DVL1: variants seen among roughly 807,000 people sequenced by gnomAD.
The protein encoded by DVL1 is segment polarity protein dishevelled homolog DVL-1.
In DVL1, 49 loss-of-function variants were observed where a neutral mutation model predicts 65.0. That is an observed-to-expected ratio of 0.75 (90% CI 0.60 to 0.96). The LOEUF is 0.96. DVL1 is among the 40% of genes least tolerant of loss of function. DVL1 has a pLI of 0.00. For synonymous variants in DVL1, 608 were observed against 433.9 expected (o/e 1.40, Z -4.99); for missense variants, 1,197 against 1,045.4 (o/e 1.15, Z -2.00).
chr1:1,340,167 G>C lies in DVL1; in HGVS notation c.780C>G (p.His260Gln). 6.2e-7 allele frequency: 1 copy of C among 1,613,754 alleles called. No homozygotes were observed. Among genetic ancestry groups the C allele is most frequent in the Non-Finnish European group, 8.5e-7 (1 of 1,179,978 alleles). The change falls in exon 8 of 15, where the codon CAC becomes CAG. Residue 260 changes from histidine (H) to glutamine (Q), a missense_variant. His to Gln is a conservative substitution (Grantham distance 24). Coordinates refer to ENST00000378888, the MANE Select transcript of DVL1 (RefSeq NM_001330311.2). ...GCCCCACGATGCTGATGCCCAGAAA[G>C]TGATGTCTTTCTGCAGGAAGAGCCA... is the stretch of plus-strand genomic sequence containing the variant. ...VTVTLNMERH[H>Q]FLGISIVGQS...
rs1318666683 is a variant in DVL1, at chr1:1,339,821, G to A, written c.910-9C>T. On this transcript the variant is annotated splice_polypyrimidine_tract_variant and intron_variant, in intron 8 of 14. Transcript: ENST00000378888. Reference sequence around the variant, plus strand: ...AAGTTCACGTCATTCACCTGCAGGGGTGGGGATTAGGGTGGTGCAGGCAGG... The same window carrying A: ...AAGTTCACGTCATTCACCTGCAGGGATGGGGATTAGGGTGGTGCAGGCAGG... The A allele has an allele frequency of 3.7e-6, 6 of 1,606,078 alleles. No homozygotes were observed. In the African/African-American group the frequency reaches 4.0e-5, roughly 11 times the overall value.
chr1:1,337,310 G>A (rs1444512128), intron 14 of DVL1, among the ~76,000 whole-genome samples: 7 of 152,036 alleles, frequency 4.6e-5, no homozygotes, highest in Non-Finnish European at 8.8e-5. Flanking sequence ...GCCTGCAGAC[G>A]CCCCTGCTGG....
chr1:1,337,174 G>A (rs925086632), intron 14 of DVL1: 20 of 833,704 alleles, frequency 2.4e-5, no homozygotes, highest in Non-Finnish European at 2.8e-5. Context: ...TGAAGTGGGC[G>A]CAAGCGCCGG....
In DVL1 at chr1:1,339,722, C is replaced by A; in HGVS notation, c.986+14G>T. 1.2e-6 allele frequency: 2 copies of A among 1,612,968 alleles called. No homozygotes were observed. Among genetic ancestry groups the A allele is most frequent in the Non-Finnish European group, 1.7e-6 (2 of 1,179,810 alleles). ...CTGCCTGGCCCCTCCCGCTCCAGCG[C>A]CCCCAGCCCTCACCCCGTCTGGGAA... On this transcript the variant is annotated intron_variant, in intron 9 of 14. Transcript: ENST00000378888.
chr1:1,345,382 C>A (rs375976757), intron 1 of DVL1, among the ~76,000 whole-genome samples: 48 of 152,314 alleles, frequency 3.2e-4, no homozygotes, highest in African/African-American at 1.1e-3. Flanking sequence ...CTGCCTGGGG[C>A]TCCAGGGATC....
In DVL1 at chr1:1,338,435, C is replaced by T; in HGVS notation, c.1341G>A (p.Gly447=). 1.2e-6 allele frequency: 2 copies of T among 1,609,892 alleles called. No homozygotes were observed. The highest frequency in any genetic ancestry group is 8.5e-7 in the Non-Finnish European group (1 of 1,177,828). ...TGTACAGCCAGTCCACCACGTCCGC[C>T]CCTGGCCGGCACCAGCGGTCAGCCC... ...LKITIANAVI[G]ADVVDWLYTH... The change falls in exon 13 of 15, where the codon GGG becomes GGA. Residue 447 remains glycine (G), a splice_region_variant and synonymous_variant. Coordinates refer to ENST00000378888, the MANE Select transcript of DVL1 (RefSeq NM_001330311.2).
At chr1:1,336,623 G>C in intron 14 of DVL1, 108 bp from the exon 15 acceptor site, 1 of 1,387,956 alleles carries the variant, frequency 7.2e-7, no homozygotes, top group South Asian at 1.6e-5. Context: ...GCCCGTGCAG[G>C]ACGGGTGGGT....
intron 14 of DVL1, 117 bp downstream of exon 14, chr1:1,337,860 G>A (rs1351856367): frequency 1.2e-6 from 1 of 813,352 alleles, no homozygotes; most frequent in Admixed American, 2.0e-5. Flanking sequence ...GCGGGGTGGG[G>A]TGGAGCTGGG....
rs745907818 is a variant in DVL1, at chr1:1,340,412, G to A, written c.697C>T (p.Arg233Trp). The A allele has an allele frequency of 1.5e-5, 24 of 1,609,544 alleles. No homozygotes were observed. The highest frequency in any genetic ancestry group is 1.7e-4 in the Middle Eastern group (1 of 6,054). ...CCCTGCTCCACCCGGCTGCCTACCC[G>A]GTCCGCCTGCCGAAGGCGCTGCTTC... The part of the protein sequence containing the change: ...RRKQRLRQAD[R>W]ASSFSSITDS... The change falls in exon 6 of 15, where the codon CGG (arginine) becomes TGG (tryptophan). Residue 233 changes from arginine (R) to tryptophan (W), a missense_variant and splice_region_variant. Transcript: ENST00000378888.
intron 5 of DVL1, among the ~76,000 whole-genome samples, chr1:1,340,800 A>G (rs549404900): frequency 6.8e-6 from 1 of 147,016 alleles, no homozygotes; most frequent in Admixed American, 6.7e-5. Context: ...ACCCCTGCAC[A>G]AGGCACACAT....
intron 5 of DVL1, among the ~76,000 whole-genome samples, chr1:1,340,926 C>T (rs1295832164): frequency 1.4e-5 from 2 of 147,086 alleles, no homozygotes; most frequent in African/African-American, 2.5e-5. Flanking sequence ...CACCTGCACA[C>T]GCATGCACAC....
At chr1:1,340,604 G>T (rs1368463838) in intron 5 of DVL1, 101 bp from the exon 6 acceptor site, 1 of 1,319,166 alleles carries the variant, frequency 7.6e-7, no homozygotes, top group Non-Finnish European at 1.1e-6. Flanking sequence ...TCTAGGCCAG[G>T]CTTGTTCCAA....
rs374251438 is a variant in DVL1 at position 1,342,774 on chromosome 1, G to A, written c.171-16C>T. 9.6e-5 allele frequency: 155 copies of A among 1,612,154 alleles called. No individual in the cohort carries two copies. The highest frequency in any genetic ancestry group is 1.8e-4 in the Admixed American group (11 of 59,900). On this transcript the variant is annotated splice_polypyrimidine_tract_variant and intron_variant, in intron 1 of 14. Coordinates refer to ENST00000378888, the MANE Select transcript of DVL1 (RefSeq NM_001330311.2). ...CTTCACCACCCTGTGGGCATATGCT[G>A]CCGTGAGGCCCCACCTGGGGGGCCC...
Position 1,339,749 on chromosome 1 carries a change from C to T in DVL1, c.973G>A (p.Val325Ile), listed in dbSNP as rs949765037. 1.2e-5 allele frequency: 20 copies of T among 1,613,016 alleles called. No homozygotes were observed. Among genetic ancestry groups the T allele is most frequent in the Admixed American group, 1.0e-4 (6 of 59,996 alleles). The change falls in exon 9 of 15, where the codon GTT becomes ATT. Residue 325 changes from valine (V) to isoleucine (I), a missense_variant. By Grantham distance (29) the Val-to-Ile change is conservative (BLOSUM62 3). Transcript: ENST00000378888. Reference sequence around the variant, plus strand: ...CCCAGCCCTCACCCCGTCTGGGAAACGATCTCCCGCAGCACCCGCACGGCA... The same window carrying T: ...CCCAGCCCTCACCCCGTCTGGGAAATGATCTCCCGCAGCACCCGCACGGCA... ...DDAVRVLREI[V>I]SQTGPISLTV...
intron 1 of DVL1, among the ~76,000 whole-genome samples, chr1:1,347,950 G>A (rs1569750817): frequency 1.3e-5 from 2 of 152,194 alleles, no homozygotes; most frequent in African/African-American, 4.8e-5. Flanking sequence ...TGGACCTGGG[G>A]CTGCCTGAGG....
chr1:1,341,023 A>G (rs1482900556), intron 5 of DVL1, among the ~76,000 whole-genome samples: 2 of 134,400 alleles, frequency 1.5e-5, no homozygotes, highest in African/African-American at 5.9e-5. Context: ...CCCCTGCACA[A>G]TGCACCCCTG....
At chr1:1,339,238 C>T (rs1163061422) in intron 11 of DVL1, 49 bp downstream of exon 11, 5 of 1,546,692 alleles carry the variant, frequency 3.2e-6, no homozygotes, top group Non-Finnish European at 4.4e-6. Flanking sequence ...GCAGAGACGC[C>T]CCCTCCAAGC....
chr1:1,341,163 A>G (rs1643807512), intron 5 of DVL1, among the ~76,000 whole-genome samples: 1 of 145,972 alleles, frequency 6.9e-6, no homozygotes. Context: ...ATACACCTGT[A>G]CAAGCACACC....
Position 1,342,482 on chromosome 1 carries a change from C to A in DVL1, c.243G>T (p.Leu81=). 1 of 1,610,270 alleles carries A rather than the reference C, an allele frequency of 6.2e-7. No homozygotes were observed. Among genetic ancestry groups the A allele is most frequent in the Admixed American group, 1.7e-5 (1 of 59,882 alleles). The stretch of plus-strand genomic sequence containing the variant: ...CCGAGTGAGCACCCTCAGCCAGGAC[C>A]AGCTGTGGAGGGAGCAGGCATGCTC... ...PCFNGRVVSW[L]VLAEGAHSDA... is the part of the protein sequence containing the mutation. Residue 81 remains leucine, a splice_region_variant and synonymous_variant, in exon 3 of 15, where the codon CTG becomes CTT. Transcript: ENST00000378888.
Sources: gnomAD v4.1 joint callset for allele counts (sites outside exome capture counted in the v4.1 genomes callset) on GRCh38, gnomAD v4.1.1 for gene constraint, MANE v1.5 for transcripts, NCBI Gene and HGNC (gene_info 2026-07-23, HGNC 2026-07-21) for gene names.